Variants in DGKG observed in about 807,000 individuals in gnomAD.
DGKG encodes the protein DAG kinase gamma.
Under a neutral mutation model 105.3 loss-of-function variants are expected in DGKG, and 78 were observed. The observed-to-expected ratio is 0.74, with a 90% CI of 0.62 to 0.89. DGKG has a LOEUF of 0.89. Among genes scored for constraint, DGKG ranks in the 40% least tolerant of loss-of-function variants. DGKG has a pLI of 0.00. For synonymous variants in DGKG, 346 were observed against 367.1 expected (o/e 0.94, Z 0.66); for missense variants, 958 against 1,020.1 (o/e 0.94, Z 0.83).
chr3:186,248,403 T>C (rs1413237453), intron 19 of DGKG, among the ~76,000 whole-genome samples: 1 of 152,262 alleles, frequency 6.6e-6, no homozygotes, highest in Non-Finnish European at 1.5e-5. Flanking sequence ...CCTTCCTTGC[T>C]TCCCTCTCCA....
chr3:186,253,986 A>G (rs1294018120), intron 17 of DGKG, among the ~76,000 whole-genome samples: 1 of 152,246 alleles, frequency 6.6e-6, no homozygotes, highest in Non-Finnish European at 1.5e-5. Context: ...TCAGAATTGC[A>G]ATGACACAGA....
chr3:186,188,462 G>T, intron 21 of DGKG, 83 bp from the exon 22 acceptor site: 1 of 1,217,728 alleles, frequency 8.2e-7, no homozygotes, highest in Non-Finnish European at 1.1e-6. Context: ...GCGTGCGTGT[G>T]TGTGTGTGTA....
At chr3:186,263,800 T>C (rs911572942) in intron 14 of DGKG, among the ~76,000 whole-genome samples, 1 of 152,096 alleles carries the variant, frequency 6.6e-6, no homozygotes, top group African/African-American at 2.4e-5. Flanking sequence ...CAGCAAATAC[T>C]TGTGGGTTCA....
intron 7 of DGKG, among the ~76,000 whole-genome samples, chr3:186,283,232 T>G (rs1235063906): frequency 6.6e-6 from 1 of 152,160 alleles, no homozygotes; most frequent in African/African-American, 2.4e-5. Context: ...CTATAACGTT[T>G]AATAAGATTT....
chr3:186,280,684 T>C lies in DGKG; in HGVS notation c.655A>G (p.Thr219Ala), dbSNP rs1193158147. ...HIAQYLEWDP[T>A]ELRPILKEML... Reference sequence around the variant, plus strand: ...TAGAAACTCACAGGCCTCAGCTCTGTGGGATCCCACTCCAGGTACTGGGCA... The same window carrying C: ...TAGAAACTCACAGGCCTCAGCTCTGCGGGATCCCACTCCAGGTACTGGGCA... The change falls in exon 8 of 25, where the codon ACA (threonine) becomes GCA (alanine). Residue 219 changes from threonine to alanine, a missense_variant. Physicochemically the swap from Thr to Ala is moderately conservative, Grantham distance 58. Around this residue, in one of 2 missense-constraint regions of DGKG, gnomAD observed 643 missense variants for 619.5 expected, o/e 1.04. Transcript: ENST00000265022. 3 of 1,614,018 alleles carry C rather than the reference T, an allele frequency of 1.9e-6. No homozygotes were observed. Among genetic ancestry groups the C allele is most frequent in the Admixed American group, 1.7e-5 (1 of 60,014 alleles).
chr3:186,335,222 C>T (rs1230149341), intron 1 of DGKG, among the ~76,000 whole-genome samples: 1 of 152,094 alleles, frequency 6.6e-6, no homozygotes, highest in Non-Finnish European at 1.5e-5. Flanking sequence ...CAGGCGCCTA[C>T]TACTGCACCT....
chr3:186,329,001 A>G (rs1013347729), intron 1 of DGKG, among the ~76,000 whole-genome samples: 1 of 152,196 alleles, frequency 6.6e-6, no homozygotes, highest in South Asian at 2.1e-4. Context: ...GTGACAGCTG[A>G]CAGCCAGGAG....
intron 24 of DGKG, 185 bp downstream of exon 24, chr3:186,161,418 C>G (rs1176121083): frequency 7.0e-7 from 1 of 1,430,978 alleles, no homozygotes; most frequent in Non-Finnish European, 9.1e-7. Flanking sequence ...TGGCATATAG[C>G]AGGTTTTCAT....
chr3:186,279,130 C>T (rs1006030270), intron 9 of DGKG: 1 of 152,240 alleles, frequency 6.6e-6, no homozygotes, highest in Non-Finnish European at 1.5e-5. Flanking sequence ...TTCTCCAAGC[C>T]ATAAACTCTC....
rs531486386 is a variant in DGKG at position 186,320,172 on chromosome 3, T to C, written c.67+221A>G. 2.0e-5 allele frequency among the ~76,000 whole-genome samples: 3 copies of C among 152,344 alleles called. No homozygotes were observed. The East Asian group carries it at 5.8e-4, about 29-fold the overall frequency. ...TTAACCTACTCTTTTTTTCTATGTA[T>C]ATTGCAAATTTCTATGGTGAGCACG... On this transcript the variant is annotated intron_variant, in intron 2 of 24. Coordinates refer to ENST00000265022, the MANE Select transcript of DGKG (RefSeq NM_001346.3).
intron 20 of DGKG, among the ~76,000 whole-genome samples, chr3:186,221,111 C>A (rs1382239165): frequency 6.6e-6 from 1 of 152,218 alleles, no homozygotes; most frequent in African/African-American, 2.4e-5. Context: ...GACACTGCCC[C>A]TCTGAGGCCA....
chr3:186,253,304 C>G (rs1485936678), intron 17 of DGKG, 122 bp from the exon 18 acceptor site: 1 of 744,668 alleles, frequency 1.3e-6, no homozygotes, highest in East Asian at 2.6e-5. Flanking sequence ...TGAATACCAC[C>G]CTGATGGGAA....
chr3:186,337,113 TAA>T (rs1725866552), intron 1 of DGKG, among the ~76,000 whole-genome samples: 2 of 152,204 alleles, frequency 1.3e-5, no homozygotes, highest in African/African-American at 4.8e-5. Flanking sequence ...AAAAATATGT[TAA>T]GTTACAATTT....
intron 13 of DGKG, among the ~76,000 whole-genome samples, chr3:186,267,293 G>A (rs1475952402): frequency 6.6e-6 from 1 of 152,142 alleles, no homozygotes; most frequent in African/African-American, 2.4e-5. Context: ...TCATTTCAGG[G>A]TACTCGGGGT....
In DGKG at chr3:186,164,991, A is replaced by G. The variant is rs1297544114; in HGVS notation, c.2123T>C (p.Val708Ala). The change falls in exon 23 of 25, where the codon GTG becomes GCG. Residue 708 changes from valine to alanine, a missense_variant. Physicochemically the swap from Val to Ala is moderately conservative, Grantham distance 64 (BLOSUM62 0). Coordinates refer to ENST00000265022, the MANE Select transcript of DGKG (RefSeq NM_001346.3). ...CATCTCCATGGCTCCTTCTAGCCCC[A>G]CCACTTCAAGGAGCTGGTCACTGAG... ...QDLSDQLLEV[V>A]GLEGAMEMGQ... The G allele has an allele frequency of 6.2e-7, 1 of 1,613,662 alleles. No homozygotes were observed. Among genetic ancestry groups the G allele is most frequent in the African/African-American group, 1.3e-5 (1 of 74,874 alleles).
chr3:186,299,846 T>TCTTTC (rs1578798768), intron 3 of DGKG, among the ~76,000 whole-genome samples: 1 of 145,670 alleles, frequency 6.9e-6, no homozygotes, highest in African/African-American at 2.6e-5. Context: ...TCTTTTTTTT[T>TCTTTC]TTTTTTGAGA....
At chr3:186,334,869 A>G (rs1453168433) in intron 1 of DGKG, among the ~76,000 whole-genome samples, 2 of 152,304 alleles carry the variant, frequency 1.3e-5, no homozygotes, top group Non-Finnish European at 2.9e-5. Flanking sequence ...AGTACTTGGC[A>G]TAAGAAAGTC....
chr3:186,171,512 C>T (rs770074720), intron 22 of DGKG, among the ~76,000 whole-genome samples: 1 of 152,166 alleles, frequency 6.6e-6, no homozygotes, highest in African/African-American at 2.4e-5. Flanking sequence ...TACTTTAAAT[C>T]ATCTCTAGCT....
chr3:186,244,107 G>T (rs1379097602), intron 19 of DGKG, among the ~76,000 whole-genome samples: 1 of 152,000 alleles, frequency 6.6e-6, no homozygotes, highest in Non-Finnish European at 1.5e-5. Context: ...ATGTTGGCCA[G>T]GCTGGTCTCG....
Sources: gnomAD v4.1 joint callset for allele counts (sites outside exome capture counted in the v4.1 genomes callset) on GRCh38, gnomAD v4.1.1 for gene constraint, gnomAD v4.1.1 regional missense constraint, MANE v1.5 for transcripts, NCBI Gene and HGNC (gene_info 2026-07-23, HGNC 2026-07-21) for gene names.